STARD9: variants seen among roughly 807,000 people sequenced by gnomAD.
The protein encoded by STARD9 is stAR-related lipid transfer protein 9.
In STARD9, 346 loss-of-function variants were observed where a neutral mutation model predicts 399.8. The ratio of observed to expected loss-of-function variants is 0.87; its 90% confidence interval spans 0.79 to 0.95. The LOEUF is 0.95. Ranked by LOEUF, STARD9 falls within the 40% of genes least tolerant of loss-of-function variation. STARD9 has a pLI of 0.00. For synonymous variants in STARD9, 2,203 were observed against 2,143.5 expected, an observed-to-expected ratio of 1.03 and a Z score of -0.77; for missense variants, 5,832 against 5,667.5, an observed-to-expected ratio of 1.03 and a Z score of -0.93.
intron 16 of STARD9, chr15:42,673,798 T>TCAACTAAGACATAGTTGAATA (rs2060252222): frequency 2.5e-6 from 1 of 398,990 alleles, no homozygotes; most frequent in Non-Finnish European, 5.1e-6. Flanking sequence ...CTAAAAGGCC[T>TCAACTAAGACATAGTTGAATA]TGTCTTCAAC....
At chr15:42,657,473 G>C (rs2059900543) in intron 9 of STARD9, among the ~76,000 whole-genome samples, 1 of 151,980 alleles carries the variant, frequency 6.6e-6, no homozygotes, top group South Asian at 2.1e-4. Context: ...TATGCACCCT[G>C]AACAACCAAA....
intron 3 of STARD9, among the ~76,000 whole-genome samples, chr15:42,595,968 T>G (rs1419437735): frequency 6.6e-6 from 1 of 152,170 alleles, no homozygotes; most frequent in African/African-American, 2.4e-5. Flanking sequence ...CTTTAAAGAG[T>G]AATTTTCAGA....
At chr15:42,581,985 A>AAC (rs2058182613) in intron 1 of STARD9, among the ~76,000 whole-genome samples, 5 of 152,188 alleles carry the variant, frequency 3.3e-5, no homozygotes, top group African/African-American at 1.2e-4. Context: ...ACAACAACAA[A>AAC]AAAATTAGCT....
intron 3 of STARD9, among the ~76,000 whole-genome samples, chr15:42,595,893 G>A (rs911058263): frequency 1.3e-5 from 2 of 152,194 alleles, no homozygotes; most frequent in South Asian, 4.1e-4. Context: ...GGTTCCATAA[G>A]CATGTCTGTG....
At chr15:42,638,217 T>TG in intron 6 of STARD9, 130 bp downstream of exon 6, 1 of 823,852 alleles carries the variant, frequency 1.2e-6, no homozygotes, top group Admixed American at 2.4e-5. Flanking sequence ...AGAAATATCT[T>TG]GCAGTACAAG....
chr15:42,670,181 A>G (rs573303355), intron 16 of STARD9: 3 of 152,366 alleles, frequency 2.0e-5, no homozygotes, highest in African/African-American at 7.2e-5. Flanking sequence ...CCAAATAAAC[A>G]GTACACTTCC....
At chr15:42,716,356 C>T (rs1256112610) in intron 26 of STARD9, among the ~76,000 whole-genome samples, 1 of 152,148 alleles carries the variant, frequency 6.6e-6, no homozygotes. Context: ...GAGAGCCTCT[C>T]ATGCACTGAT....
intron 2 of STARD9, 36 bp from the exon 3 acceptor site, chr15:42,585,485 G>A (rs1357449424): frequency 7.0e-7 from 1 of 1,421,006 alleles, no homozygotes; most frequent in Non-Finnish European, 9.6e-7. Flanking sequence ...CTAATATTAT[G>A]ATAGAAAAGA....
chr15:42,673,773 G>GCCATAATCT (rs566567441), intron 16 of STARD9, among the ~76,000 whole-genome samples: 107 of 152,256 alleles, frequency 7.0e-4, no homozygotes, highest in African/African-American at 1.5e-3. Context: ...AAGCAAATTT[G>GCCATAATCT]CCATAATCTG....
intron 3 of STARD9, among the ~76,000 whole-genome samples, chr15:42,605,019 C>T (rs2058700679): frequency 6.6e-6 from 1 of 152,094 alleles, no homozygotes; most frequent in Admixed American, 6.6e-5. Context: ...CTTGAGGGTG[C>T]TGTTTCATGT....
Position 42,689,310 on chromosome 15 carries a change from T to C in STARD9, c.7732T>C (p.Cys2578Arg). The stretch of plus-strand genomic sequence containing the variant: ...GGCCAGGGGCACAGTCCTTTCTTAC[T>C]GTGAAACTTTACTAGAACCCGAATG... ...FVARGTVLSY[C>R]ETLLEPECSS... is the part of the protein sequence containing the mutation. The change falls in exon 23 of 33, where the codon TGT becomes CGT. Residue 2578 changes from cysteine to arginine, a missense_variant. By Grantham distance (180) the Cys-to-Arg change is radical. Transcript: ENST00000290607. 6.5e-7 allele frequency: 1 copy of C among 1,537,264 alleles called. No individual in the cohort carries two copies. Among genetic ancestry groups the C allele is most frequent in the African/African-American group, 1.4e-5 (1 of 73,168 alleles).
intron 3 of STARD9, among the ~76,000 whole-genome samples, chr15:42,629,617 T>C (rs1595670522): frequency 6.6e-6 from 1 of 152,312 alleles, no homozygotes; most frequent in Non-Finnish European, 1.5e-5. Context: ...TTCTTTCTCT[T>C]GTCCGATTGC....
Position 42,689,245 on chromosome 15 carries a change from G to T in STARD9, c.7667G>T (p.Arg2556Ile). The T allele has an allele frequency of 6.5e-7, 1 of 1,537,294 alleles. No individual in the cohort carries two copies. The highest frequency in any genetic ancestry group is 8.7e-7 in the Non-Finnish European group (1 of 1,146,924). Residue 2556 changes from arginine (R) to isoleucine (I), a missense_variant, in exon 23 of 33, where the codon AGA becomes ATA. By Grantham distance (97) the Arg-to-Ile change is moderately conservative. Coordinates refer to ENST00000290607, the MANE Select transcript of STARD9 (RefSeq NM_020759.3). ...SMCLAILEEI[R>I]QAKAQRKQLH... is the part of the protein sequence containing the mutation. Reference sequence around the variant, plus strand: ...TGCCTGGCCATCTTGGAGGAGATCAGACAGGCAAAGGCCCAGAGAAAGCAG... The same window carrying T: ...TGCCTGGCCATCTTGGAGGAGATCATACAGGCAAAGGCCCAGAGAAAGCAG...
chr15:42,585,245 G>A (rs978712204), intron 2 of STARD9, among the ~76,000 whole-genome samples: 4 of 152,148 alleles, frequency 2.6e-5, no homozygotes, highest in Non-Finnish European at 2.9e-5. Context: ...GCCCAGAGCG[G>A]GAGAGGCTTT....
chr15:42,648,109 A>T (rs1222732002), intron 7 of STARD9, among the ~76,000 whole-genome samples: 1 of 152,134 alleles, frequency 6.6e-6, no homozygotes, highest in East Asian at 1.9e-4. Context: ...CTACTTCAAG[A>T]ATAATCTTGT....
intron 15 of STARD9, among the ~76,000 whole-genome samples, chr15:42,666,153 G>A (rs1424936331): frequency 6.6e-6 from 1 of 152,156 alleles, no homozygotes; most frequent in South Asian, 2.1e-4. Flanking sequence ...ATTGTTTGAG[G>A]ATCAAATAGG....
intron 26 of STARD9, among the ~76,000 whole-genome samples, chr15:42,699,395 T>C (rs1386867580): frequency 1.4e-5 from 2 of 138,356 alleles, no homozygotes; most frequent in Non-Finnish European, 3.1e-5. Context: ...TTCTTTTCTT[T>C]TTTTTTTTTT....
intron 11 of STARD9, 57 bp downstream of exon 11, chr15:42,662,948 T>C: frequency 7.7e-7 from 1 of 1,293,758 alleles, no homozygotes; most frequent in Non-Finnish European, 1.1e-6. Flanking sequence ...AACTCATGTT[T>C]TCATTTTGTC....
At chr15:42,695,922 G>C in intron 26 of STARD9, 42 bp downstream of exon 26, 1 of 1,518,304 alleles carries the variant, frequency 6.6e-7, no homozygotes, top group Non-Finnish European at 8.8e-7. Flanking sequence ...GGCCTGGACT[G>C]CCAAGGCAAG....
Sources: allele counts gnomAD v4.1 joint callset (sites outside exome capture counted in the v4.1 genomes callset), GRCh38; gene constraint gnomAD v4.1.1; transcripts MANE v1.5; gene names NCBI Gene and HGNC (gene_info 2026-07-23, HGNC 2026-07-21).